The following NFIB variants were observed in gnomAD, a reference collection of about 807,000 sequenced individuals.
The protein encoded by NFIB is nuclear factor I B, also known as nuclear factor 1 B-type.
Under a neutral mutation model 61.5 loss-of-function variants are expected in NFIB, and 11 were observed. That is an observed-to-expected ratio of 0.18 (90% CI 0.11 to 0.30). NFIB has a LOEUF of 0.30. Among genes scored for constraint, NFIB ranks in the 10% least tolerant of loss-of-function variants. The pLI is 1.00. For synonymous variants in NFIB, 260 were observed against 216.5 expected (o/e 1.20, Z -1.76); for missense variants, 471 against 608.9 (o/e 0.77, Z 2.38).
intron 1 of NFIB, among the ~76,000 whole-genome samples, chr9:14,358,252 A>G (rs904721165): frequency 6.7e-6 from 1 of 149,570 alleles, no homozygotes; most frequent in Admixed American, 6.7e-5. Context: ...TTTATATAAA[A>G]TGTGAATTAT....
At chr9:14,392,695 G>A (rs1014023858) in intron 1 of NFIB, among the ~76,000 whole-genome samples, 23 of 151,980 alleles carry the variant, frequency 1.5e-4, no homozygotes, top group African/African-American at 5.6e-4. Context: ...ATGATAACAA[G>A]GTGGCAGAGC....
chr9:14,376,847 A>G (rs2061426446), intron 1 of NFIB, among the ~76,000 whole-genome samples: 1 of 152,008 alleles, frequency 6.6e-6, no homozygotes, highest in Non-Finnish European at 1.5e-5. Flanking sequence ...AAAAAAAGAG[A>G]GAAAGTTATT....
chr9:14,111,165 T>C (rs958585534), intron 10 of NFIB, among the ~76,000 whole-genome samples: 10 of 152,156 alleles, frequency 6.6e-5, no homozygotes, highest in African/African-American at 2.4e-4. Flanking sequence ...AAATATATCA[T>C]GTGCCAGAAT....
chr9:14,333,520 C>T (rs2060846962), intron 1 of NFIB, among the ~76,000 whole-genome samples: 1 of 152,136 alleles, frequency 6.6e-6, no homozygotes, highest in Non-Finnish European at 1.5e-5. Context: ...GGAGACATAT[C>T]ATGGGCACCT....
At chr9:14,230,804 A>C (rs1350546589) in intron 2 of NFIB, among the ~76,000 whole-genome samples, 8 of 152,060 alleles carry the variant, frequency 5.3e-5, no homozygotes, top group Admixed American at 1.3e-4. Flanking sequence ...GGTGGGTAAA[A>C]TCCAGATCAA....
At chr9:14,217,690 C>G (rs1194583845) in intron 2 of NFIB, among the ~76,000 whole-genome samples, 2 of 114,810 alleles carry the variant, frequency 1.7e-5, no homozygotes, top group South Asian at 5.5e-4. Context: ...AAGACACAAA[C>G]TAAGCAAACT....
intron 1 of NFIB, among the ~76,000 whole-genome samples, chr9:14,347,593 G>A (rs1417052578): frequency 6.6e-6 from 1 of 152,096 alleles, no homozygotes; most frequent in Non-Finnish European, 1.5e-5. Context: ...GGAGAGGGGA[G>A]AAGGGAGAAG....
At chr9:14,485,533 C>G in the NFIB span, among the ~76,000 whole-genome samples, 1 of 152,164 alleles carries the variant, frequency 6.6e-6, no homozygotes, top group Admixed American at 6.5e-5. Context: ...TATGAGTCTA[C>G]TAAATTCCAG....
chr9:14,439,519 G>T, the NFIB span, among the ~76,000 whole-genome samples: 2 of 152,220 alleles, frequency 1.3e-5, no homozygotes, highest in African/African-American at 4.8e-5. Flanking sequence ...AAGAGTGTCT[G>T]GTACTTAGTA....
chr9:14,131,132 G>A (rs1463895815), intron 6 of NFIB, among the ~76,000 whole-genome samples: 1 of 152,160 alleles, frequency 6.6e-6, no homozygotes. Flanking sequence ...GATTCACATT[G>A]ATGGTGTTAT....
At chr9:14,502,433 G>T in the NFIB span, among the ~76,000 whole-genome samples, 1 of 152,164 alleles carries the variant, frequency 6.6e-6, no homozygotes, top group African/African-American at 2.4e-5. Flanking sequence ...TTAAGAATCT[G>T]GCCAAATAAT....
the NFIB span, among the ~76,000 whole-genome samples, chr9:14,523,916 A>G: frequency 2.0e-5 from 3 of 152,130 alleles, no homozygotes; most frequent in Admixed American, 6.5e-5. Flanking sequence ...TTGGCTGTTA[A>G]TTTCATCATA....
At chr9:14,106,390 G>A (rs2036562166) in intron 10 of NFIB, among the ~76,000 whole-genome samples, 1 of 152,064 alleles carries the variant, frequency 6.6e-6, no homozygotes, top group African/African-American at 2.4e-5. Context: ...AATAAAAGGT[G>A]AACTAAGAAA....
chr9:14,237,841 CAGTGTGTGTGTGTGTG>C lies in NFIB; in HGVS notation c.563-58077_563-58062del, dbSNP rs1436533329. On this transcript the variant is annotated intron_variant, in intron 2 of 10. Transcript: ENST00000380953. The stretch of plus-strand genomic sequence containing the variant: ...AAGCTCCTCACCCTGCTAGGTATAA[CAGTGTGTGTGTGTGTG>C]TGTGTGTGTGTGTGTGTGTGTGTGT... Among the ~76,000 whole-genome samples the C allele has an allele frequency of 1.6e-3, 41 of 26,028 alleles. 2 individuals are homozygous for C. The highest frequency in any genetic ancestry group is 0.01 in the East Asian group (8 of 784). The allele number at this position is 26,028 out of a possible 152,430, so 17.1% of individuals were successfully genotyped here. A position where few individuals can be genotyped will look rare whatever the true frequency, so the allele number is the denominator to read the frequency against.
At chr9:14,121,256 T>TCAAACAAA (rs776581199) in intron 7 of NFIB, among the ~76,000 whole-genome samples, 1 of 152,102 alleles carries the variant, frequency 6.6e-6, no homozygotes, top group Non-Finnish European at 1.5e-5. Context: ...GAACCCCATC[T>TCAAACAAA]CAAACAAACA....
the NFIB span, among the ~76,000 whole-genome samples, chr9:14,469,301 G>C: frequency 6.6e-6 from 1 of 152,074 alleles, no homozygotes; most frequent in Non-Finnish European, 1.5e-5. Flanking sequence ...AGATGACATG[G>C]GATACTGATG....
chr9:14,487,303 A>G, the NFIB span, among the ~76,000 whole-genome samples: 1 of 152,226 alleles, frequency 6.6e-6, no homozygotes, highest in Non-Finnish European at 1.5e-5. Context: ...AATTGGCAAA[A>G]GAGCAGAAAA....
At chr9:14,412,536 C>T in the NFIB span, among the ~76,000 whole-genome samples, 1 of 152,220 alleles carries the variant, frequency 6.6e-6, no homozygotes, top group Non-Finnish European at 1.5e-5. Flanking sequence ...TGCGACTGGC[C>T]TCCCTACAAC....
At chr9:14,433,346 AC>A in the NFIB span, among the ~76,000 whole-genome samples, 1 of 152,148 alleles carries the variant, frequency 6.6e-6, no homozygotes, top group Non-Finnish European at 1.5e-5. Flanking sequence ...CCTTTATCAG[AC>A]CCAAATGCCC....
Sources: allele counts gnomAD v4.1 joint callset (sites outside exome capture counted in the v4.1 genomes callset), GRCh38; gene constraint gnomAD v4.1.1; transcripts MANE v1.5; gene names NCBI Gene and HGNC (gene_info 2026-07-23, HGNC 2026-07-21).